PAPPA: variants seen among roughly 807,000 people sequenced by gnomAD.
PAPPA encodes pappalysin 1.
Under a neutral mutation model 164.0 loss-of-function variants are expected in PAPPA, and 60 were observed. The observed-to-expected ratio is 0.37, with a 90% confidence interval of 0.30 to 0.45. The LOEUF (loss-of-function observed/expected upper bound fraction) is 0.45, where lower values mean the gene tolerates loss of function less well. Among genes scored for constraint, PAPPA ranks in the 20% least tolerant of loss-of-function variants. PAPPA has a pLI of 1.00. For missense variants in PAPPA, 1,782 were observed against 2,087.3 expected (o/e 0.85, Z 2.85); for synonymous variants, 875 against 814.1 (o/e 1.07, Z -1.27).
chr9:116,183,611 C>G (rs566827734), intron 1 of PAPPA, among the ~76,000 whole-genome samples: 2 of 152,146 alleles, frequency 1.3e-5, no homozygotes, highest in Non-Finnish European at 2.9e-5. Flanking sequence ...CACCATACAC[C>G]CCCAACCTTA....
intron 9 of PAPPA, among the ~76,000 whole-genome samples, chr9:116,282,481 T>C (rs1182603148): frequency 1.3e-5 from 2 of 152,260 alleles, no homozygotes; most frequent in Non-Finnish European, 2.9e-5. Context: ...ACTCAAATTA[T>C]TAATTTAATT....
rs142603290 is a variant in PAPPA, at chr9:116,180,406, GA to G, written c.416-6744del. 2.0e-3 allele frequency among the ~76,000 whole-genome samples: 308 copies of G among 152,186 alleles called. 1 individual carries two copies. Among genetic ancestry groups the G allele is most frequent in the African/African-American group, 7.1e-3 (293 of 41,538 alleles). On this transcript the variant is annotated intron_variant, in intron 1 of 21. Coordinates refer to ENST00000328252, the MANE Select transcript of PAPPA (RefSeq NM_002581.5). The stretch of plus-strand genomic sequence containing the variant: ...AATCCCTCGCTGGGATCCTTGGAGG[GA>G]AAATCAATTAACCTCTCTACATCTC...
Position 116,188,161 on chromosome 9 carries a change from G to A in PAPPA, c.1423G>A (p.Asp475Asn). 1.2e-6 allele frequency: 2 copies of A among 1,614,102 alleles called. No individual in the cohort carries two copies. Among genetic ancestry groups the A allele is most frequent in the Non-Finnish European group, 1.7e-6 (2 of 1,179,942 alleles). ...CAACTTTGATGGTGGAGAGTGCTGT[G>A]ACCCTGAAATCACCAATGTCACTCA... Reference protein sequence around the residue: ...RFNFDGGECCDPEITNVTQTC... With the variant: ...RFNFDGGECCNPEITNVTQTC... The change falls in exon 2 of 22, where the codon GAC becomes AAC. Residue 475 changes from aspartate (D) to asparagine (N), a missense_variant. Around this residue, in one of 2 missense-constraint regions of PAPPA, gnomAD observed 1,324 missense variants for 1,656.9 expected, o/e 0.80. Coordinates refer to ENST00000328252, the MANE Select transcript of PAPPA (RefSeq NM_002581.5).
chr9:116,392,892 T>A (rs978709787), intron 21 of PAPPA, among the ~76,000 whole-genome samples: 2 of 152,174 alleles, frequency 1.3e-5, no homozygotes, highest in African/African-American at 4.8e-5. Flanking sequence ...CTGTATAAAG[T>A]CTACAACATA....
At chr9:116,356,162 C>A (rs534441593) in intron 17 of PAPPA, among the ~76,000 whole-genome samples, 18 of 152,320 alleles carry the variant, frequency 1.2e-4, no homozygotes, top group African/African-American at 2.6e-4. Flanking sequence ...TTATTCATTC[C>A]TTGGGAGCCA....
chr9:116,235,773 G>A, intron 7 of PAPPA, 136 bp downstream of exon 7: 1 of 850,006 alleles, frequency 1.2e-6, no homozygotes, highest in Non-Finnish European at 1.9e-6. Flanking sequence ...CCCATCATTG[G>A]GTGTAGATTT....
intron 17 of PAPPA, among the ~76,000 whole-genome samples, chr9:116,359,152 T>A (rs1410709561): frequency 6.6e-6 from 1 of 152,228 alleles, no homozygotes. Flanking sequence ...CTCTTAACCA[T>A]GACACTAGCA....
chr9:116,232,680 C>T (rs1009825320), intron 6 of PAPPA, among the ~76,000 whole-genome samples: 1 of 152,300 alleles, frequency 6.6e-6, no homozygotes, highest in Non-Finnish European at 1.5e-5. Context: ...ATGGTCAACT[C>T]GTGAAGGCTG....
At chr9:116,336,680 C>T (rs547132358) in intron 13 of PAPPA, among the ~76,000 whole-genome samples, 27 of 152,148 alleles carry the variant, frequency 1.8e-4, no homozygotes, top group Non-Finnish European at 3.8e-4. Context: ...TCGATTGATA[C>T]GTATTTGTTA....
At chr9:116,279,098 T>C (rs1352623177) in intron 9 of PAPPA, among the ~76,000 whole-genome samples, 2 of 152,164 alleles carry the variant, frequency 1.3e-5, no homozygotes, top group Non-Finnish European at 2.9e-5. Flanking sequence ...CACTGTAAAA[T>C]AATGAGGGAA....
Position 116,247,035 on chromosome 9 carries a change from A to G in PAPPA, c.2732+11398A>G, listed in dbSNP as rs1587970378. Among the ~76,000 whole-genome samples the G allele has an allele frequency of 2.0e-5, 3 of 152,066 alleles. No individual in the cohort carries two copies. In the East Asian group the frequency reaches 5.8e-4, roughly 29 times the overall value. On this transcript the variant is annotated intron_variant, in intron 7 of 21. Transcript: ENST00000328252. ...TGAGACCCTGTCTCCAAGAATAAAA[A>G]AAAGAGAGAGAGAAAATAAATGTTG...
At chr9:116,234,468 C>T (rs749313658) in intron 6 of PAPPA, among the ~76,000 whole-genome samples, 3 of 152,090 alleles carry the variant, frequency 2.0e-5, no homozygotes, top group Admixed American at 6.5e-5. Flanking sequence ...AGACAGTTTC[C>T]TCCCAGGTCC....
At chr9:116,257,475 T>C (rs35906071) in intron 7 of PAPPA, among the ~76,000 whole-genome samples, 26,855 of 151,370 alleles carry the variant, frequency 0.18, 2,555 homozygotes, top group Middle Eastern at 0.3. Flanking sequence ...CCAAGGCGGG[T>C]GGATCATGAG....
At chr9:116,244,654 A>T (rs1385169943) in intron 7 of PAPPA, among the ~76,000 whole-genome samples, 3 of 152,172 alleles carry the variant, frequency 2.0e-5, no homozygotes, top group Non-Finnish European at 4.4e-5. Flanking sequence ...TTATAAAAAG[A>T]TAAAAAATAA....
intron 9 of PAPPA, among the ~76,000 whole-genome samples, chr9:116,283,363 T>C (rs548801155): frequency 3.3e-4 from 50 of 152,232 alleles, no homozygotes; most frequent in African/African-American, 1.1e-3. Flanking sequence ...GGGACTCAGA[T>C]AAGACCAGGT....
intron 10 of PAPPA, among the ~76,000 whole-genome samples, chr9:116,320,650 ATAATTGTTTC>A (rs1845842918): frequency 6.6e-6 from 1 of 152,090 alleles, no homozygotes; most frequent in African/African-American, 2.4e-5. Flanking sequence ...GGGGAAAGTG[ATAATTGTTTC>A]TAATGGTTGG....
intron 10 of PAPPA, among the ~76,000 whole-genome samples, chr9:116,327,386 GT>G (rs759580442): frequency 4.1e-4 from 63 of 152,142 alleles, no homozygotes; most frequent in Non-Finnish European, 7.4e-4. Context: ...GATTGGGAAT[GT>G]CACCGGAGCC....
At chr9:116,382,886 T>G (rs957034770) in intron 21 of PAPPA, among the ~76,000 whole-genome samples, 1 of 151,880 alleles carries the variant, frequency 6.6e-6, no homozygotes, top group Non-Finnish European at 1.5e-5. Flanking sequence ...AAAAGAACGG[T>G]GTCTGGAGCA....
chr9:116,278,077 A>G (rs1845223060), intron 9 of PAPPA, among the ~76,000 whole-genome samples: 1 of 152,234 alleles, frequency 6.6e-6, no homozygotes, highest in African/African-American at 2.4e-5. Context: ...AGATTTAGTA[A>G]CTTGCCTACA....
Sources: gnomAD v4.1 joint callset for allele counts (sites outside exome capture counted in the v4.1 genomes callset) on GRCh38, gnomAD v4.1.1 for gene constraint, gnomAD v4.1.1 regional missense constraint, MANE v1.5 for transcripts, NCBI Gene and HGNC (gene_info 2026-07-23, HGNC 2026-07-21) for gene names.